Variants in GOLT1A observed in about 807,000 individuals in gnomAD.
GOLT1A encodes the protein golgi transport 1A.
In GOLT1A, 10 loss-of-function variants were observed where a neutral mutation model predicts 16.1. The ratio of observed to expected loss-of-function variants is 0.62; its 90% confidence interval spans 0.38 to 1.05. The LOEUF (loss-of-function observed/expected upper bound fraction) is 1.05. GOLT1A is among the 50% of genes least tolerant of loss of function. The pLI is 0.01. For missense variants in GOLT1A, 137 were observed against 165.7 expected, an observed-to-expected ratio of 0.83 and a Z score of 0.95; for synonymous variants, 60 against 67.9, an observed-to-expected ratio of 0.88 and a Z score of 0.57.
intron 2 of GOLT1A, 123 bp from the exon 3 acceptor site, chr1:204,201,934 G>T: frequency 2.4e-6 from 2 of 826,298 alleles, no homozygotes; most frequent in Admixed American, 2.6e-5. Flanking sequence ...CCATCTGAGC[G>T]AGGGCCATCC....
chr1:204,202,226 A>G (rs1442825676), intron 2 of GOLT1A, among the ~76,000 whole-genome samples: 1 of 151,652 alleles, frequency 6.6e-6, no homozygotes, highest in African/African-American at 2.4e-5. Context: ...TCCACTGCCT[A>G]CAGAATAACC....
At position 204,208,300 on chromosome 1, in the gene GOLT1A, G is replaced by GTA. The variant is rs1250494127; in HGVS notation, c.26-5315_26-5314dup. ...TGAGTGTATAAATAAATTGTGATGT[G>GTA]TATATATATACACACACATATACAT... On this transcript the variant is annotated intron_variant, in intron 1 of 4. Coordinates refer to ENST00000308302, the MANE Select transcript of GOLT1A (RefSeq NM_198447.2). Among the ~76,000 whole-genome samples the GTA allele has an allele frequency of 3.1e-4, 46 of 149,636 alleles. 1 individual carries two copies. The highest frequency in any genetic ancestry group is 5.9e-4 in the African/African-American group (24 of 40,380).
intron 1 of GOLT1A, among the ~76,000 whole-genome samples, chr1:204,206,664 C>T (rs1427524678): frequency 1.3e-5 from 2 of 152,268 alleles, no homozygotes; most frequent in Admixed American, 1.3e-4. Context: ...ACCCTTTCCT[C>T]CCCCTCAGTA....
At chr1:204,199,982 T>C (rs1436263074) in intron 3 of GOLT1A, among the ~76,000 whole-genome samples, 1 of 152,164 alleles carries the variant, frequency 6.6e-6, no homozygotes, top group Non-Finnish European at 1.5e-5. Context: ...TTCCAAGGTT[T>C]CACTGCACTC....
chr1:204,212,733 CAT>C (rs1405598634), intron 1 of GOLT1A, among the ~76,000 whole-genome samples: 1 of 151,026 alleles, frequency 6.6e-6, no homozygotes, highest in Non-Finnish European at 1.5e-5. Flanking sequence ...ATCTTTTAAA[CAT>C]AGAAATAGAA....
chr1:204,201,879 G>C, intron 2 of GOLT1A, 68 bp from the exon 3 acceptor site: 5 of 1,446,896 alleles, frequency 3.5e-6, no homozygotes, highest in Non-Finnish European at 4.8e-6. Flanking sequence ...ACTTAGGCCT[G>C]GAGCCAGGCG....
chr1:204,204,695 T>C (rs1168791796), intron 1 of GOLT1A, among the ~76,000 whole-genome samples: 3 of 152,266 alleles, frequency 2.0e-5, no homozygotes, highest in Non-Finnish European at 4.4e-5. Context: ...AACGGAATTA[T>C]ACTGGATCAC....
chr1:204,203,809 G>GAGCCCCCATTCCCAAGGTTTGACAGTA (rs1658999374), intron 1 of GOLT1A, among the ~76,000 whole-genome samples: 1 of 151,452 alleles, frequency 6.6e-6, no homozygotes, highest in Non-Finnish European at 1.5e-5. Context: ...GTTTGACAGT[G>GAGCCCCCATTCCCAAGGTTTGACAGTA]AGCCCCCATT....
intron 1 of GOLT1A, among the ~76,000 whole-genome samples, chr1:204,208,460 T>TTGTGTG (rs1283981328): frequency 0.023 from 1,298 of 55,690 alleles, 59 homozygotes; most frequent in African/African-American, 0.077. Context: ...ATATGTATAC[T>TTGTGTG]TGTGTGTGTG....
chr1:204,207,854 T>C (rs1003928053), intron 1 of GOLT1A, among the ~76,000 whole-genome samples: 2 of 152,084 alleles, frequency 1.3e-5, no homozygotes, highest in African/African-American at 4.8e-5. Flanking sequence ...AGGACATGAA[T>C]AGACAATTCT....
At position 204,201,634 on chromosome 1, in the gene GOLT1A, T is replaced by G. The variant is rs568613727; in HGVS notation, c.295A>C (p.Lys99Gln). 2.0e-5 allele frequency: 33 copies of G among 1,613,858 alleles called. No individual in the cohort carries two copies. Among genetic ancestry groups the G allele is most frequent in the Non-Finnish European group, 2.5e-5 (30 of 1,179,938 alleles). ...LETYGFFSLF[K>Q]GFFPVAFGFL... Reference sequence around the variant, plus strand: ...AGGGTTATAGGGATTTGCACTCACTTAAAGAGGCTGAAGAATCCGTAGGTT... The same window carrying G: ...AGGGTTATAGGGATTTGCACTCACTGAAAGAGGCTGAAGAATCCGTAGGTT... The change falls in exon 3 of 5, where the codon AAG (lysine) becomes CAG (glutamine). Residue 99 changes from lysine (K) to glutamine (Q), a missense_variant and splice_region_variant. Coordinates refer to ENST00000308302, the MANE Select transcript of GOLT1A (RefSeq NM_198447.2).
chr1:204,202,010 C>T (rs1472998796), intron 2 of GOLT1A, among the ~76,000 whole-genome samples, 199 bp from the exon 3 acceptor site: 1 of 152,086 alleles, frequency 6.6e-6, no homozygotes, highest in East Asian at 1.9e-4. Context: ...TGCGCAGAGG[C>T]AGGGGGATGG....
In GOLT1A at chr1:204,201,713, C is replaced by T. The variant is rs1452712394; in HGVS notation, c.216G>A (p.Leu72=). ...RHKLKGTSFL[L]GGVVIVLLRW... is the part of the protein sequence containing the mutation. ...GTAGGAGCACGATAACCACACCCCCCAGGAGGAAGCTGGTTCCCTTGAGTT... is the reference window on the plus strand; with the variant it reads ...GTAGGAGCACGATAACCACACCCCCTAGGAGGAAGCTGGTTCCCTTGAGTT... Residue 72 remains leucine, a synonymous_variant, in exon 3 of 5, where the codon CTG becomes CTA. Coordinates refer to ENST00000308302, the MANE Select transcript of GOLT1A (RefSeq NM_198447.2). 5 of 1,614,056 alleles carry T rather than the reference C, an allele frequency of 3.1e-6. No individual in the cohort carries two copies. In the South Asian group the frequency reaches 5.5e-5, roughly 18 times the overall value.
At chr1:204,212,435 G>A (rs568011729) in intron 1 of GOLT1A, among the ~76,000 whole-genome samples, 1 of 152,108 alleles carries the variant, frequency 6.6e-6, no homozygotes, top group South Asian at 2.1e-4. Flanking sequence ...TCAGGAGTTC[G>A]AGACCAACCT....
intron 1 of GOLT1A, among the ~76,000 whole-genome samples, chr1:204,206,552 A>T (rs553325670): frequency 5.3e-5 from 8 of 152,348 alleles, no homozygotes; most frequent in African/African-American, 1.9e-4. Context: ...TTTAACCCAA[A>T]TGATAAAAGT....
chr1:204,201,740 G>A lies in GOLT1A; in HGVS notation c.189C>T (p.His63=). ...RKTFWFFFQR[H]KLKGTSFLLG... ...GGAGGAAGCTGGTTCCCTTGAGTTT[G>A]TGCCGTTGGAAGAAGAACCAAAAGG... The change falls in exon 3 of 5, where the codon CAC becomes CAT. Residue 63 remains histidine, a synonymous_variant. Coordinates refer to ENST00000308302, the MANE Select transcript of GOLT1A (RefSeq NM_198447.2). 1.9e-6 allele frequency: 3 copies of A among 1,614,184 alleles called. No homozygotes were observed. Among genetic ancestry groups the A allele is most frequent in the Non-Finnish European group, 2.5e-6 (3 of 1,180,036 alleles).
At chr1:204,213,455 G>A (rs1659168955) in intron 1 of GOLT1A, among the ~76,000 whole-genome samples, 1 of 152,234 alleles carries the variant, frequency 6.6e-6, no homozygotes, top group Non-Finnish European at 1.5e-5. Context: ...ATGTTTAGGA[G>A]TGAGGGTATG....
chr1:204,202,953 G>T lies in GOLT1A; in HGVS notation c.60C>A (p.Phe20Leu), dbSNP rs368990490. 2 of 1,614,150 alleles carry T rather than the reference G, an allele frequency of 1.2e-6. No homozygotes were observed. The highest frequency in any genetic ancestry group is 1.7e-6 in the Non-Finnish European group (2 of 1,180,018). The part of the protein sequence containing the change: ...IGVGITGFGI[F>L]FILFGTLLYF... ...ACAGGAGTGTTCCAAAGAGGATGAA[G>T]AAGATGCCGAAACCGGTGATCCCCA... is the stretch of plus-strand genomic sequence containing the variant. Residue 20 changes from phenylalanine (F) to leucine (L), a missense_variant, in exon 2 of 5, where the codon TTC becomes TTA. Transcript: ENST00000308302.
At chr1:204,207,521 TC>T (rs1210073958) in intron 1 of GOLT1A, among the ~76,000 whole-genome samples, 2 of 152,202 alleles carry the variant, frequency 1.3e-5, no homozygotes, top group Non-Finnish European at 2.9e-5. Flanking sequence ...AAGCCAGGCT[TC>T]CCTGACTCCC....
Sources: allele counts gnomAD v4.1 joint callset (sites outside exome capture counted in the v4.1 genomes callset), GRCh38; gene constraint gnomAD v4.1.1; transcripts MANE v1.5; gene names NCBI Gene and HGNC (gene_info 2026-07-23, HGNC 2026-07-21).